ADAM12: variants seen among roughly 807,000 people sequenced by gnomAD.
The protein encoded by ADAM12 is disintegrin and metalloproteinase domain-containing protein 12.
In ADAM12, 70 loss-of-function variants were observed where a neutral mutation model predicts 106.4. The observed-to-expected ratio is 0.66, with a 90% CI of 0.54 to 0.80. The LOEUF (loss-of-function observed/expected upper bound fraction) is 0.80. ADAM12 is among the 30% of genes least tolerant of loss of function. The pLI, the probability that ADAM12 is intolerant of heterozygous loss-of-function variation, is 0.00. For missense variants in ADAM12, 1,010 were observed against 1,171.9 expected (o/e 0.86, Z 2.02); for synonymous variants, 420 against 433.5 (o/e 0.97, Z 0.39).
At position 126,082,569 on chromosome 10, in the gene ADAM12, C is replaced by T. The variant is rs112828461; in HGVS notation, c.1146-10915G>A. On this transcript the variant is annotated intron_variant, in intron 11 of 22. Transcript: ENST00000448723. ...TATTTTTATTAGAGATGGGGTTTTGCCATGTTGGCCAGGCTGGTCTCAAAC... is the reference window on the plus strand; with the variant it reads ...TATTTTTATTAGAGATGGGGTTTTGTCATGTTGGCCAGGCTGGTCTCAAAC... 4.8e-3 allele frequency among the ~76,000 whole-genome samples: 735 copies of T among 151,986 alleles called. 3 individuals are homozygous for T. The highest frequency in any genetic ancestry group is 0.024 in the Middle Eastern group (7 of 294).
intron 1 of ADAM12, among the ~76,000 whole-genome samples, chr10:126,363,201 A>G (rs1354220837): frequency 6.6e-6 from 1 of 152,242 alleles, no homozygotes; most frequent in East Asian, 1.9e-4. Flanking sequence ...CTAGGAAAAG[A>G]TAAGTTATCT....
At chr10:126,371,126 G>C (rs1431237846) in intron 1 of ADAM12, among the ~76,000 whole-genome samples, 1 of 152,212 alleles carries the variant, frequency 6.6e-6, no homozygotes, top group Admixed American at 6.5e-5. Flanking sequence ...GAATGTCCTA[G>C]CCTTGGCTTT....
At chr10:126,133,284 G>A (rs1376499232) in intron 5 of ADAM12, among the ~76,000 whole-genome samples, 1 of 152,000 alleles carries the variant, frequency 6.6e-6, no homozygotes, top group Non-Finnish European at 1.5e-5. Flanking sequence ...CTGCATGCTG[G>A]GCGTGTACGC....
At chr10:126,147,328 G>A (rs924682390) in intron 4 of ADAM12, among the ~76,000 whole-genome samples, 9 of 152,218 alleles carry the variant, frequency 5.9e-5, no homozygotes, top group Non-Finnish European at 1.0e-4. Flanking sequence ...AGAGGCCCCT[G>A]CCTGACCCTG....
chr10:126,249,641 T>G (rs1958706518), intron 3 of ADAM12, among the ~76,000 whole-genome samples: 2 of 152,168 alleles, frequency 1.3e-5, no homozygotes, highest in South Asian at 4.2e-4. Flanking sequence ...GAGGCGGAGC[T>G]TGCAGTGAGC....
intron 19 of ADAM12, 49 bp from the exon 20 acceptor site, chr10:126,038,398 CTGACT>C (rs747438930): frequency 2.8e-6 from 4 of 1,424,748 alleles, no homozygotes; most frequent in East Asian, 2.4e-5. Flanking sequence ...CCCCTTCTCA[CTGACT>C]TGACTTTTTA....
At chr10:126,211,867 G>A (rs557735646) in intron 3 of ADAM12, among the ~76,000 whole-genome samples, 108 of 152,362 alleles carry the variant, frequency 7.1e-4, no homozygotes, top group African/African-American at 2.5e-3. Context: ...GGGAGACCGC[G>A]TGAGTCGATA....
intron 6 of ADAM12, among the ~76,000 whole-genome samples, chr10:126,110,598 T>C (rs1272441748): frequency 6.6e-6 from 1 of 151,790 alleles, no homozygotes; most frequent in East Asian, 1.9e-4. Context: ...TGAGAGAACA[T>C]GGAAAGTGGA....
intron 3 of ADAM12, among the ~76,000 whole-genome samples, chr10:126,242,022 A>T (rs1397104684): frequency 6.6e-6 from 1 of 150,956 alleles, no homozygotes; most frequent in African/African-American, 2.4e-5. Context: ...TTGGAATCTT[A>T]GACTGATTTT....
intron 3 of ADAM12, among the ~76,000 whole-genome samples, chr10:126,175,244 A>C (rs1413929932): frequency 6.6e-6 from 1 of 152,184 alleles, no homozygotes; most frequent in Non-Finnish European, 1.5e-5. Flanking sequence ...AGAGAAACAC[A>C]CAGCACCGGA....
At chr10:126,271,245 C>T (rs1362775251) in intron 3 of ADAM12, among the ~76,000 whole-genome samples, 2 of 152,204 alleles carry the variant, frequency 1.3e-5, no homozygotes, top group East Asian at 3.8e-4. Flanking sequence ...TCACTGTTCT[C>T]CTGGCATCTC....
intron 3 of ADAM12, among the ~76,000 whole-genome samples, chr10:126,164,188 A>G (rs988234677): frequency 6.6e-6 from 1 of 152,230 alleles, no homozygotes; most frequent in Non-Finnish European, 1.5e-5. Flanking sequence ...ACTTTTTCCT[A>G]TTATTTCTTT....
At chr10:126,304,641 G>A (rs1166644544) in intron 2 of ADAM12, among the ~76,000 whole-genome samples, 1 of 151,964 alleles carries the variant, frequency 6.6e-6, no homozygotes, top group African/African-American at 2.4e-5. Context: ...TTAAAATTCT[G>A]CTGATCAAAA....
intron 3 of ADAM12, among the ~76,000 whole-genome samples, chr10:126,195,289 T>C (rs1246559828): frequency 6.6e-6 from 1 of 152,186 alleles, no homozygotes; most frequent in Non-Finnish European, 1.5e-5. Context: ...ATAATACATA[T>C]GTTGGTCAGG....
In ADAM12 at chr10:126,269,329, T is replaced by C. The variant is rs145904248; in HGVS notation, c.260+9586A>G. Among the ~76,000 whole-genome samples, 842 of 152,322 alleles carry C rather than the reference T, an allele frequency of 5.5e-3. 6 individuals are homozygous for C. The highest frequency in any genetic ancestry group is 0.019 in the African/African-American group (798 of 41,572). On this transcript the variant is annotated intron_variant, in intron 3 of 22. Coordinates refer to ENST00000448723, the MANE Select transcript of ADAM12 (RefSeq NM_001288973.2). Reference sequence around the variant, plus strand: ...TTAACTGTCTAGGAAGGCAGCCCAGTAGGTTTCAGCCTCATTTTACCCAGC... The same window carrying C: ...TTAACTGTCTAGGAAGGCAGCCCAGCAGGTTTCAGCCTCATTTTACCCAGC...
At chr10:126,067,459 T>G (rs568973998) in intron 12 of ADAM12, among the ~76,000 whole-genome samples, 2 of 152,212 alleles carry the variant, frequency 1.3e-5, no homozygotes, top group Non-Finnish European at 2.9e-5. Context: ...GGGATTTAAA[T>G]GGATAGTTCA....
intron 3 of ADAM12, among the ~76,000 whole-genome samples, chr10:126,243,467 G>T (rs539301005): frequency 1.4e-5 from 2 of 145,136 alleles, no homozygotes; most frequent in Admixed American, 1.4e-4. Context: ...CCAGTGGGGA[G>T]CAACTCTGTG....
At chr10:126,135,536 T>C in intron 5 of ADAM12, 48 bp downstream of exon 5, 2 of 1,563,074 alleles carry the variant, frequency 1.3e-6, no homozygotes, top group South Asian at 2.2e-5. Flanking sequence ...AGAGGTTGCC[T>C]GCAGTAGATG....
At chr10:126,117,973 G>T in intron 6 of ADAM12, 65 bp downstream of exon 6, 10 of 1,550,536 alleles carry the variant, frequency 6.4e-6, no homozygotes, top group Non-Finnish European at 8.9e-6. Flanking sequence ...AGATGTCCTA[G>T]TGTGGGGTAT....
Sources: allele counts gnomAD v4.1 joint callset (sites outside exome capture counted in the v4.1 genomes callset), GRCh38; gene constraint gnomAD v4.1.1; transcripts MANE v1.5; gene names NCBI Gene and HGNC (gene_info 2026-07-23, HGNC 2026-07-21).